Variants in CA8 observed in about 807,000 individuals in gnomAD.
The protein encoded by CA8 is carbonic anhydrase-related protein.
CA8 carries 22 observed loss-of-function variants against 41.4 expected under a neutral mutation model. The observed-to-expected ratio is 0.53, with a 90% confidence interval of 0.38 to 0.76. The LOEUF is 0.76. CA8 is among the 30% of genes least tolerant of loss of function. The probability of loss-of-function intolerance (pLI) is 0.00; values close to 1 mark genes in which losing one functional copy is unlikely to be tolerated. For synonymous variants in CA8, 121 were observed against 130.6 expected (o/e 0.93, Z 0.50); for missense variants, 270 against 352.8 (o/e 0.77, Z 1.88).
intron 2 of CA8, among the ~76,000 whole-genome samples, chr8:60,274,990 G>A (rs1412289235): frequency 6.6e-6 from 1 of 152,138 alleles, no homozygotes; most frequent in Non-Finnish European, 1.5e-5. Context: ...GCATGATGAT[G>A]AGATCCCTGG....
chr8:60,203,245 T>C (rs183124763), intron 8 of CA8, among the ~76,000 whole-genome samples: 1 of 152,134 alleles, frequency 6.6e-6, no homozygotes, highest in East Asian at 1.9e-4. Flanking sequence ...AAACAAATTG[T>C]CAAGGTGCTA....
intron 4 of CA8, among the ~76,000 whole-genome samples, chr8:60,230,984 T>C (rs1284826128): frequency 1.3e-5 from 2 of 151,648 alleles, no homozygotes; most frequent in Non-Finnish European, 2.9e-5. Flanking sequence ...ATTTGTATTC[T>C]TATTTTTATT....
intron 7 of CA8, among the ~76,000 whole-genome samples, chr8:60,210,034 A>C (rs1378151126): frequency 1.3e-5 from 2 of 152,340 alleles, no homozygotes; most frequent in South Asian, 4.1e-4. Context: ...AATTCACTTA[A>C]GTGCCACACA....
chr8:60,239,883 C>T (rs564551415), intron 3 of CA8, among the ~76,000 whole-genome samples: 11 of 152,316 alleles, frequency 7.2e-5, no homozygotes, highest in Admixed American at 5.2e-4. Flanking sequence ...CCATGTAAGA[C>T]GTGCCTTTCA....
At chr8:60,225,005 T>C (rs370812055) in intron 5 of CA8, among the ~76,000 whole-genome samples, 20 of 152,032 alleles carry the variant, frequency 1.3e-4, no homozygotes, top group African/African-American at 4.8e-4. Context: ...TTTCCGGCAT[T>C]ACAACCAGGC....
At chr8:60,215,718 A>G (rs1010471689) in intron 7 of CA8, among the ~76,000 whole-genome samples, 2 of 152,178 alleles carry the variant, frequency 1.3e-5, no homozygotes, top group East Asian at 3.8e-4. Flanking sequence ...GGGGCTTCCA[A>G]TTTTAGAATT....
chr8:60,256,041 T>G (rs1309728987), intron 3 of CA8, among the ~76,000 whole-genome samples: 1 of 106,992 alleles, frequency 9.3e-6, no homozygotes, highest in Non-Finnish European at 1.8e-5. Flanking sequence ...CCGTAGTAGC[T>G]GGGATTAAGG....
intron 2 of CA8, among the ~76,000 whole-genome samples, chr8:60,267,142 G>A (rs960698942): frequency 2.0e-5 from 3 of 152,178 alleles, no homozygotes; most frequent in South Asian, 4.1e-4. Context: ...TGTTTGGTTG[G>A]TTCTTCATCT....
At chr8:60,209,105 C>A (rs1300534419) in intron 7 of CA8, among the ~76,000 whole-genome samples, 186 bp from the exon 8 acceptor site, 5 of 152,092 alleles carry the variant, frequency 3.3e-5, no homozygotes, top group Non-Finnish European at 5.9e-5. Context: ...TAGAGAGGAC[C>A]CTTTCAAGAA....
intron 2 of CA8, among the ~76,000 whole-genome samples, chr8:60,272,210 C>T (rs1804095097): frequency 6.6e-6 from 1 of 152,138 alleles, no homozygotes; most frequent in Non-Finnish European, 1.5e-5. Flanking sequence ...TAGATTGCAT[C>T]GCAGAGATCA....
At chr8:60,244,734 G>A (rs1385109960) in intron 3 of CA8, among the ~76,000 whole-genome samples, 1 of 152,128 alleles carries the variant, frequency 6.6e-6, no homozygotes, top group East Asian at 1.9e-4. Flanking sequence ...ACAATAAAAT[G>A]CATGTATCTG....
At chr8:60,204,229 A>G (rs1463494069) in intron 8 of CA8, among the ~76,000 whole-genome samples, 2 of 152,248 alleles carry the variant, frequency 1.3e-5, no homozygotes, top group Non-Finnish European at 2.9e-5. Flanking sequence ...GGCATGAAAG[A>G]ACATGTTTAA....
intron 5 of CA8, among the ~76,000 whole-genome samples, chr8:60,225,886 G>T (rs1260999210): frequency 6.6e-6 from 1 of 152,168 alleles, no homozygotes; most frequent in Admixed American, 6.5e-5. Context: ...CACTTTGCAA[G>T]GCCGAGGTGG....
intron 8 of CA8, among the ~76,000 whole-genome samples, chr8:60,204,292 T>G (rs909478327): frequency 5.9e-5 from 9 of 152,222 alleles, no homozygotes; most frequent in African/African-American, 2.2e-4. Flanking sequence ...TCTTTAGGTT[T>G]AAAATCATGA....
intron 3 of CA8, among the ~76,000 whole-genome samples, chr8:60,246,231 A>G (rs953865224): frequency 2.0e-5 from 3 of 152,154 alleles, no homozygotes; most frequent in Admixed American, 1.3e-4. Flanking sequence ...TTCAAATAAC[A>G]AAAACAAAAT....
intron 3 of CA8, among the ~76,000 whole-genome samples, chr8:60,253,347 CT>C (rs145458770): frequency 4.6e-5 from 7 of 151,970 alleles, no homozygotes; most frequent in African/African-American, 1.5e-4. Flanking sequence ...TTCCAACTCC[CT>C]TTTTTTTCTA....
intron 2 of CA8, among the ~76,000 whole-genome samples, chr8:60,268,801 T>C (rs1201330065): frequency 6.6e-6 from 1 of 152,186 alleles, no homozygotes; most frequent in African/African-American, 2.4e-5. Context: ...CAAGATCATA[T>C]TTTTTCTGAG....
intron 7 of CA8, among the ~76,000 whole-genome samples, chr8:60,216,465 C>A (rs1807025589): frequency 6.6e-6 from 1 of 152,192 alleles, no homozygotes; most frequent in Non-Finnish European, 1.5e-5. Context: ...ATTGAAAAGT[C>A]ATCTATTTTG....
rs188657248 is a variant in CA8, at chr8:60,201,977, C to T, written c.*35+6773G>A. On this transcript the variant is annotated intron_variant, in intron 8 of 8. Transcript: ENST00000317995. ...ATTATTTTTAAATGACTGTTTCCATCAGTTTCATTGGTTGTATAGTTTGAT... is the reference window on the plus strand; with the variant it reads ...ATTATTTTTAAATGACTGTTTCCATTAGTTTCATTGGTTGTATAGTTTGAT... Among the ~76,000 whole-genome samples the T allele has an allele frequency of 1.3e-4, 19 of 141,858 alleles. No homozygotes were observed. The East Asian group carries it at 3.7e-3, about 27-fold the overall frequency. The allele number at this position is 141,858 out of a possible 152,430, so 93.1% of individuals were successfully genotyped here. A position where few individuals can be genotyped will look rare whatever the true frequency, so the allele number is the denominator to read the frequency against.
Sources: gnomAD v4.1 joint callset for allele counts (sites outside exome capture counted in the v4.1 genomes callset) on GRCh38, gnomAD v4.1.1 for gene constraint, MANE v1.5 for transcripts, NCBI Gene and HGNC (gene_info 2026-07-23, HGNC 2026-07-21) for gene names.